COPG2: variants seen among roughly 807,000 people sequenced by gnomAD.
COPG2 encodes coat protein complex I subunit gamma 2, also known as coatomer subunit gamma-2.
In COPG2, 37 loss-of-function variants were observed where a neutral mutation model predicts 46.3. The observed-to-expected ratio is 0.80, with a 90% CI of 0.61 to 1.05. The LOEUF (loss-of-function observed/expected upper bound fraction) is 1.05, where lower values mean the gene tolerates loss of function less well. Among genes scored for constraint, COPG2 ranks in the 50% least tolerant of loss-of-function variants. The probability of loss-of-function intolerance (pLI) is 0.00; values close to 1 mark genes in which losing one functional copy is unlikely to be tolerated. For synonymous variants in COPG2, 159 were observed against 129.7 expected, an observed-to-expected ratio of 1.23 and a Z score of -1.53; for missense variants, 427 against 387.8, an observed-to-expected ratio of 1.10 and a Z score of -0.85.
chr7:130,538,902 G>A (rs1446776854), intron 20 of COPG2, among the ~76,000 whole-genome samples: 10 of 152,202 alleles, frequency 6.6e-5, no homozygotes, highest in East Asian at 1.9e-4. Context: ...TAGGAAGCGG[G>A]GGCCTTCAAA....
intron 5 of COPG2, among the ~76,000 whole-genome samples, chr7:130,643,243 C>T (rs1795526092): frequency 6.6e-6 from 1 of 150,856 alleles, no homozygotes; most frequent in Non-Finnish European, 1.5e-5. Flanking sequence ...TGCACTGAGC[C>T]AAGATCGCGC....
intron 3 of COPG2, among the ~76,000 whole-genome samples, chr7:130,666,343 C>T (rs1225884390): frequency 2.6e-5 from 4 of 152,198 alleles, no homozygotes; most frequent in Non-Finnish European, 5.9e-5. Context: ...ACAACATGCT[C>T]TAACTAGTAC....
intron 5 of COPG2, among the ~76,000 whole-genome samples, chr7:130,642,152 C>T (rs1795503901): frequency 6.6e-6 from 1 of 152,060 alleles, no homozygotes; most frequent in Admixed American, 6.6e-5. Context: ...TGGGTGGGTG[C>T]CATCACATAA....
chr7:130,653,369 G>A (rs925476437), intron 4 of COPG2, among the ~76,000 whole-genome samples: 10 of 152,064 alleles, frequency 6.6e-5, no homozygotes, highest in Admixed American at 1.3e-4. Flanking sequence ...TTCTCCTGCC[G>A]CAGCCTCCTG....
chr7:130,605,135 T>C (rs1794704817), intron 9 of COPG2: 1 of 505,922 alleles, frequency 2.0e-6, no homozygotes, highest in Non-Finnish European at 3.9e-6. Context: ...CGAGGCTCTT[T>C]ATTTTCTTTA....
At chr7:130,642,735 C>T (rs1424331046) in intron 5 of COPG2, among the ~76,000 whole-genome samples, 1 of 152,166 alleles carries the variant, frequency 6.6e-6, no homozygotes, top group Non-Finnish European at 1.5e-5. Flanking sequence ...AAAAAATAAA[C>T]CTAACGGCTG....
Position 130,591,333 on chromosome 7 carries a change from C to T in COPG2, c.737+19620G>A, listed in dbSNP as rs1307941752. ...GAGGTGAGGGGCGCCTCTGCCCGGC[C>T]GCCCCTACTGCGAAGTGAGGAGCCC... On this transcript the variant is annotated intron_variant, in intron 9 of 23. Coordinates refer to ENST00000425248, the MANE Select transcript of COPG2 (RefSeq NM_012133.6). Among the ~76,000 whole-genome samples, 3 of 48,776 alleles carry T rather than the reference C, an allele frequency of 6.2e-5. 1 individual carries two copies. Among genetic ancestry groups the T allele is most frequent in the African/African-American group, 2.3e-4 (3 of 12,960 alleles). The allele number at this position is 48,776 out of a possible 152,430, so 32.0% of individuals were successfully genotyped here.
At chr7:130,661,920 T>C (rs1795988382) in intron 4 of COPG2, among the ~76,000 whole-genome samples, 1 of 152,216 alleles carries the variant, frequency 6.6e-6, no homozygotes, top group African/African-American at 2.4e-5. Flanking sequence ...CTGAGACTTC[T>C]ACAAAGTATA....
chr7:130,522,241 A>G (rs1435611192), intron 20 of COPG2, among the ~76,000 whole-genome samples: 1 of 152,200 alleles, frequency 6.6e-6, no homozygotes, highest in Non-Finnish European at 1.5e-5. Flanking sequence ...CAAAAATGAG[A>G]TGAAAACATC....
rs1554440557 is a variant in COPG2, at chr7:130,508,606, T to C, written c.2203A>G (p.Asn735Asp). 1.3e-6 allele frequency: 1 copy of C among 777,046 alleles called. No individual in the cohort carries two copies. Among genetic ancestry groups the C allele is most frequent in the African/African-American group, 1.7e-5 (1 of 59,094 alleles). The allele number at this position is 777,046 out of a possible 1,614,324, so 48.1% of individuals were successfully genotyped here. ...CCATCCTCATCTGGAACTCCAGTGTTAGGGTCACAGTCCCGGACTGTAAAC... is the reference window on the plus strand; with the variant it reads ...CCATCCTCATCTGGAACTCCAGTGTCAGGGTCACAGTCCCGGACTGTAAAC... ...MKFTVRDCDPNTGVPDEDGYD... is the reference protein window; with the variant it reads ...MKFTVRDCDPDTGVPDEDGYD... Residue 735 changes from asparagine to aspartate, a missense_variant, in exon 21 of 24, where the codon AAC becomes GAC. Physicochemically the swap from Asn to Asp is conservative, Grantham distance 23. Coordinates refer to ENST00000425248, the MANE Select transcript of COPG2 (RefSeq NM_012133.6).
chr7:130,635,670 A>AT (rs1197212548), intron 5 of COPG2, among the ~76,000 whole-genome samples: 3 of 152,078 alleles, frequency 2.0e-5, no homozygotes, highest in Non-Finnish European at 4.4e-5. Context: ...GGATTCATTG[A>AT]TTTTTTGAAG....
chr7:130,596,687 A>G (rs1056951844), intron 9 of COPG2, among the ~76,000 whole-genome samples: 2 of 152,136 alleles, frequency 1.3e-5, no homozygotes, highest in African/African-American at 4.8e-5. Flanking sequence ...CTGAGGTCCC[A>G]TTGGCATCTG....
At chr7:130,586,415 G>A (rs944468875) in intron 9 of COPG2, among the ~76,000 whole-genome samples, 1 of 152,068 alleles carries the variant, frequency 6.6e-6, no homozygotes, top group Non-Finnish European at 1.5e-5. Flanking sequence ...CACCACTAAA[G>A]AACTTACTTG....
intron 5 of COPG2, among the ~76,000 whole-genome samples, chr7:130,636,926 A>G (rs1271870368): frequency 6.6e-6 from 1 of 152,222 alleles, no homozygotes; most frequent in Non-Finnish European, 1.5e-5. Context: ...TGGTGGTGAC[A>G]TAATCTCTCA....
intron 9 of COPG2, among the ~76,000 whole-genome samples, chr7:130,591,585 C>A (rs570802117): frequency 7.1e-5 from 7 of 98,130 alleles, no homozygotes; most frequent in South Asian, 3.6e-4. Flanking sequence ...CCAGCCGCCC[C>A]GTCCGGGAAG....
intron 5 of COPG2, among the ~76,000 whole-genome samples, chr7:130,637,877 T>G (rs1554456585): frequency 6.6e-6 from 1 of 152,228 alleles, no homozygotes; most frequent in Non-Finnish European, 1.5e-5. Flanking sequence ...CTTTGGTCTT[T>G]GATGTTGGTG....
intron 5 of COPG2, among the ~76,000 whole-genome samples, chr7:130,649,556 C>T (rs886474948): frequency 2.6e-5 from 4 of 152,202 alleles, no homozygotes; most frequent in African/African-American, 9.6e-5. Flanking sequence ...GCCACTATAA[C>T]AGGGATCCCT....
chr7:130,513,924 C>A (rs1436594828), intron 20 of COPG2, among the ~76,000 whole-genome samples: 1 of 152,072 alleles, frequency 6.6e-6, no homozygotes, highest in South Asian at 2.1e-4. Flanking sequence ...AGGGATACGG[C>A]CCCATAAGTG....
At chr7:130,622,319 C>T (rs1795054309) in intron 5 of COPG2, among the ~76,000 whole-genome samples, 1 of 152,134 alleles carries the variant, frequency 6.6e-6, no homozygotes, top group Non-Finnish European at 1.5e-5. Context: ...GGGGAGTATA[C>T]ACGTGAGCTG....
Sources: allele counts gnomAD v4.1 joint callset (sites outside exome capture counted in the v4.1 genomes callset), GRCh38; gene constraint gnomAD v4.1.1; transcripts MANE v1.5; gene names NCBI Gene and HGNC (gene_info 2026-07-23, HGNC 2026-07-21).